Variants in ADAM21 observed in about 807,000 individuals in gnomAD.
ADAM21 encodes ADAM metallopeptidase domain 21.
For synonymous variants in ADAM21, 262 were observed against 306.0 expected (o/e 0.86, Z 1.50); for missense variants, 678 against 874.4 (o/e 0.78, Z 2.83).
chr14:70,458,064 G>A lies in ADAM21; in HGVS notation c.565G>A (p.Glu189Lys). The change falls in exon 2 of 2, where the codon GAG (glutamate) becomes AAG (lysine). Residue 189 changes from glutamate (E) to lysine (K), a missense_variant. Physicochemically the swap from Glu to Lys is moderately conservative, Grantham distance 56 (BLOSUM62 1). Coordinates refer to ENST00000603540, the MANE Select transcript of ADAM21 (RefSeq NM_003813.4). The part of the protein sequence containing the change: ...EVARQQLEFE[E>K]AENSALEPKS... The stretch of plus-strand genomic sequence containing the variant: ...AGCACGCCAACAGTTGGAATTTGAA[G>A]AGGCTGAGAACTCAGCTCTGGAACC... The A allele has an allele frequency of 1.2e-6, 2 of 1,614,078 alleles. No individual in the cohort carries two copies. The highest frequency in any genetic ancestry group is 1.7e-6 in the Non-Finnish European group (2 of 1,180,028).
Position 70,453,994 on chromosome 14 carries a change from G to A in ADAM21, c.-152+1731G>A, listed in dbSNP as rs560269602. Among the ~76,000 whole-genome samples, 5 of 151,964 alleles carry A rather than the reference G, an allele frequency of 3.3e-5. No homozygotes were observed. The South Asian group carries it at 1.0e-3, about 32-fold the overall frequency. On this transcript the variant is annotated intron_variant, in intron 1 of 1. Transcript: ENST00000603540. ...CATAGCCAGTCTAGGACAAGAAAAG[G>A]AAAAAAACCTTAAATACTTTATATT... is the stretch of plus-strand genomic sequence containing the variant.
At chr14:70,452,799 A>C (rs1889056547) in intron 1 of ADAM21, among the ~76,000 whole-genome samples, 1 of 152,206 alleles carries the variant, frequency 6.6e-6, no homozygotes, top group Non-Finnish European at 1.5e-5. Context: ...AGTCCTGGGA[A>C]AATCAGGATG....
At chr14:70,453,257 A>T (rs1889063611) in intron 1 of ADAM21, 1 of 152,200 alleles carries the variant, frequency 6.6e-6, no homozygotes, top group South Asian at 2.1e-4. Context: ...CTCTAATGGG[A>T]CAGATATTAG....
chr14:70,455,589 C>A (rs908459397), intron 1 of ADAM21, among the ~76,000 whole-genome samples: 1 of 152,160 alleles, frequency 6.6e-6, no homozygotes, highest in African/African-American at 2.4e-5. Flanking sequence ...CATTAATCAA[C>A]TTCCTAACTC....
At position 70,458,444 on chromosome 14, in the gene ADAM21, A is replaced by T. The variant is rs201553749; in HGVS notation, c.945A>T (p.Ile315=). The change falls in exon 2 of 2, where the codon ATA becomes ATT. Residue 315 remains isoleucine (I), a synonymous_variant. Coordinates refer to ENST00000603540, the MANE Select transcript of ADAM21 (RefSeq NM_003813.4). ...SILGLAYVAG[I]CRPPIDCGVD... is the part of the protein sequence containing the mutation. ...TTGGCCTAGCCTATGTTGCAGGAAT[A>T]TGTCGTCCACCTATTGATTGTGGAG... 2.5e-6 allele frequency: 4 copies of T among 1,614,048 alleles called. No individual in the cohort carries two copies. Among genetic ancestry groups the T allele is most frequent in the Non-Finnish European group, 2.5e-6 (3 of 1,180,042 alleles).
chr14:70,457,880 T>C lies in ADAM21; in HGVS notation c.381T>C (p.Ala127=). Residue 127 remains alanine (A), a synonymous_variant, in exon 2 of 2, where the codon GCT becomes GCC. Coordinates refer to ENST00000603540, the MANE Select transcript of ADAM21 (RefSeq NM_003813.4). ...CTGAGTCTCTGGTTGTGTTCAGTGC[T>C]TGTTTTGGGGGCTTTCGAGGAGTAT... is the stretch of plus-strand genomic sequence containing the variant. ...AAPESLVVFS[A]CFGGFRGVLK... 1 of 1,613,980 alleles carries C rather than the reference T, an allele frequency of 6.2e-7. No homozygotes were observed. Among genetic ancestry groups the C allele is most frequent in the Non-Finnish European group, 8.5e-7 (1 of 1,179,988 alleles).
chr14:70,459,585 A>G lies in ADAM21; in HGVS notation c.2086A>G (p.Thr696Ala). 6.2e-7 allele frequency: 1 copy of G among 1,614,092 alleles called. No homozygotes were observed. Among genetic ancestry groups the G allele is most frequent in the South Asian group, 1.1e-5 (1 of 91,090 alleles). ...LIVIPSLSVL[T>A]FLFTVGLLMY... The stretch of plus-strand genomic sequence containing the variant: ...TGTGATTCCTTCTTTGTCTGTTTTG[A>G]CTTTCCTGTTTACTGTCGGGCTTCT... Residue 696 changes from threonine (T) to alanine (A), a missense_variant, in exon 2 of 2, where the codon ACT (threonine) becomes GCT (alanine). Thr to Ala is a moderately conservative substitution (Grantham distance 58, BLOSUM62 0). Transcript: ENST00000603540.
intron 1 of ADAM21, among the ~76,000 whole-genome samples, chr14:70,455,382 T>G (rs1175083602): frequency 6.6e-6 from 1 of 152,120 alleles, no homozygotes; most frequent in Non-Finnish European, 1.5e-5. Flanking sequence ...CAGTCAGAGG[T>G]GAAATTAAGT....
In ADAM21 at chr14:70,459,360, C is replaced by T. The variant is rs778200302; in HGVS notation, c.1861C>T (p.His621Tyr). 3 of 1,614,172 alleles carry T rather than the reference C, an allele frequency of 1.9e-6. No homozygotes were observed. Among genetic ancestry groups the T allele is most frequent in the Non-Finnish European group, 2.5e-6 (3 of 1,180,016 alleles). ...GTGTGGCCCAGGAAAGATCTGCATCCATAAGAAGTGTGTCAGTCTGTCTGT... is the reference window on the plus strand; with the variant it reads ...GTGTGGCCCAGGAAAGATCTGCATCTATAAGAAGTGTGTCAGTCTGTCTGT... Reference protein sequence around the residue: ...TVCGPGKICIHKKCVSLSVLS... With the variant: ...TVCGPGKICIYKKCVSLSVLS... Residue 621 changes from histidine to tyrosine, a missense_variant, in exon 2 of 2, where the codon CAT becomes TAT. His to Tyr is a moderately conservative substitution (Grantham distance 83). Coordinates refer to ENST00000603540, the MANE Select transcript of ADAM21 (RefSeq NM_003813.4).
At chr14:70,453,170 G>A (rs1889062636) in intron 1 of ADAM21, among the ~76,000 whole-genome samples, 1 of 152,128 alleles carries the variant, frequency 6.6e-6, no homozygotes, top group Admixed American at 6.6e-5. Flanking sequence ...ATCTTCTAGG[G>A]ATGCCTTCTG....
At chr14:70,455,454 C>T (rs902822630) in intron 1 of ADAM21, among the ~76,000 whole-genome samples, 25 of 152,052 alleles carry the variant, frequency 1.6e-4, no homozygotes, top group Non-Finnish European at 3.4e-4. Flanking sequence ...TACCAAGTTA[C>T]AATTGCAGAA....
intron 1 of ADAM21, among the ~76,000 whole-genome samples, chr14:70,456,556 GA>G (rs1488054963): frequency 6.6e-6 from 1 of 152,098 alleles, no homozygotes. Context: ...TTTCTCTTCT[GA>G]AAGCATTTCG....
In ADAM21 at chr14:70,458,781, T is replaced by C; in HGVS notation, c.1282T>C (p.Cys428Arg). 6.2e-7 allele frequency: 1 copy of C among 1,614,168 alleles called. No homozygotes were observed. Among genetic ancestry groups the C allele is most frequent in the Non-Finnish European group, 8.5e-7 (1 of 1,180,030 alleles). ...EQCDCGSVQQ[C>R]EQDACCLLNC... is the part of the protein sequence containing the mutation. ...GTGTGACTGTGGATCCGTACAGCAG[T>C]GTGAACAAGACGCCTGTTGTCTGTT... Residue 428 changes from cysteine (C) to arginine (R), a missense_variant, in exon 2 of 2, where the codon TGT becomes CGT. Coordinates refer to ENST00000603540, the MANE Select transcript of ADAM21 (RefSeq NM_003813.4).
chr14:70,457,851 G>A lies in ADAM21; in HGVS notation c.352G>A (p.Ala118Thr). ...TTACTATCATGGTTACGTGGAGGCA[G>A]CCCCTGAGTCTCTGGTTGTGTTCAG... The part of the protein sequence containing the change: ...DCYYHGYVEA[A>T]PESLVVFSAC... The change falls in exon 2 of 2, where the codon GCC becomes ACC. Residue 118 changes from alanine to threonine, a missense_variant. Ala to Thr is a moderately conservative substitution (Grantham distance 58). Coordinates refer to ENST00000603540, the MANE Select transcript of ADAM21 (RefSeq NM_003813.4). The A allele has an allele frequency of 6.2e-7, 1 of 1,613,656 alleles. No homozygotes were observed. Among genetic ancestry groups the A allele is most frequent in the Non-Finnish European group, 8.5e-7 (1 of 1,179,926 alleles).
At position 70,459,327 on chromosome 14, in the gene ADAM21, G is replaced by T. The variant is rs1308911125; in HGVS notation, c.1828G>T (p.Gly610Cys). ...NISDIGEVKD[G>C]TVCGPGKICI... ...ATCTGACATTGGTGAAGTGAAAGAT[G>T]GTACTGTGTGTGGCCCAGGAAAGAT... Residue 610 changes from glycine to cysteine, a missense_variant, in exon 2 of 2, where the codon GGT becomes TGT. Transcript: ENST00000603540. 3 of 1,614,098 alleles carry T rather than the reference G, an allele frequency of 1.9e-6. No individual in the cohort carries two copies. The African/African-American group carries it at 4.0e-5, about 22-fold the overall frequency.
intron 1 of ADAM21, among the ~76,000 whole-genome samples, chr14:70,456,617 C>A (rs1264105924): frequency 6.6e-6 from 1 of 152,174 alleles, no homozygotes; most frequent in Non-Finnish European, 1.5e-5. Flanking sequence ...CAACATTATT[C>A]TCTCCATACC....
rs1263557971 is a variant in ADAM21 at position 70,458,429 on chromosome 14, C to T, written c.930C>T (p.Ala310=). Residue 310 remains alanine, a synonymous_variant, in exon 2 of 2, where the codon GCC becomes GCT. Coordinates refer to ENST00000603540, the MANE Select transcript of ADAM21 (RefSeq NM_003813.4). The stretch of plus-strand genomic sequence containing the variant: ...CACTTATAAGTATACTTGGCCTAGC[C>T]TATGTTGCAGGAATATGTCGTCCAC... ...KNSLISILGL[A]YVAGICRPPI... The T allele has an allele frequency of 6.2e-7, 1 of 1,614,150 alleles. No homozygotes were observed. Among genetic ancestry groups the T allele is most frequent in the South Asian group, 1.1e-5 (1 of 91,082 alleles).
Position 70,458,200 on chromosome 14 carries a change from A to G in ADAM21, c.701A>G (p.Asp234Gly). The change falls in exon 2 of 2, where the codon GAT (aspartate) becomes GGT (glycine). Residue 234 changes from aspartate (D) to glycine (G), a missense_variant. Transcript: ENST00000603540. ...SQSNISKVQE[D>G]VFLVVNIVDS... Reference sequence around the variant, plus strand: ...AGCAACATCTCAAAGGTGCAAGAGGATGTATTTCTTGTTGTCAACATAGTG... The same window carrying G: ...AGCAACATCTCAAAGGTGCAAGAGGGTGTATTTCTTGTTGTCAACATAGTG... 6.2e-7 allele frequency: 1 copy of G among 1,613,922 alleles called. No individual in the cohort carries two copies. Among genetic ancestry groups the G allele is most frequent in the Non-Finnish European group, 8.5e-7 (1 of 1,179,956 alleles).
Position 70,458,903 on chromosome 14 carries a change from C to A in ADAM21, c.1404C>A (p.Val468=). 1 of 1,614,106 alleles carries A rather than the reference C, an allele frequency of 6.2e-7. No individual in the cohort carries two copies. Among genetic ancestry groups the A allele is most frequent in the Non-Finnish European group, 8.5e-7 (1 of 1,180,040 alleles). Residue 468 remains valine (V), a synonymous_variant, in exon 2 of 2, where the codon GTC becomes GTA. Coordinates refer to ENST00000603540, the MANE Select transcript of ADAM21 (RefSeq NM_003813.4). ...MPSGELCRQE[V]NECDLPEWCN... ...CAGGGGAACTCTGTAGACAAGAGGTCAATGAATGTGACCTTCCAGAATGGT... is the reference window on the plus strand; with the variant it reads ...CAGGGGAACTCTGTAGACAAGAGGTAAATGAATGTGACCTTCCAGAATGGT...
Sources: allele counts gnomAD v4.1 joint callset (sites outside exome capture counted in the v4.1 genomes callset), GRCh38; gene constraint gnomAD v4.1.1; transcripts MANE v1.5; gene names NCBI Gene and HGNC (gene_info 2026-07-23, HGNC 2026-07-21).